Variants in CRTAC1 observed in about 807,000 individuals in gnomAD.
The protein encoded by CRTAC1 is acidic secreted protein in cartilage.
In CRTAC1, 37 loss-of-function variants were observed where a neutral mutation model predicts 67.8. The ratio of observed to expected loss-of-function variants is 0.55; its 90% CI spans 0.42 to 0.72. The LOEUF is 0.72. Among genes scored for constraint, CRTAC1 ranks in the 30% least tolerant of loss-of-function variants. CRTAC1 has a pLI of 0.00. For synonymous variants in CRTAC1, 348 were observed against 371.0 expected (o/e 0.94, Z 0.71); for missense variants, 780 against 931.6 (o/e 0.84, Z 2.12).
intron 4 of CRTAC1, among the ~76,000 whole-genome samples, chr10:97,919,309 C>T (rs1203956633): frequency 6.6e-6 from 1 of 151,924 alleles, no homozygotes; most frequent in African/African-American, 2.4e-5. Context: ...AGGAAGGGCA[C>T]CTAACTATGG....
intron 2 of CRTAC1, among the ~76,000 whole-genome samples, chr10:97,956,838 T>A (rs568787165): frequency 6.6e-6 from 1 of 151,866 alleles, no homozygotes; most frequent in African/African-American, 2.4e-5. Context: ...TCTGAAAGAC[T>A]GTACTCTAGC....
At chr10:97,978,194 G>A (rs2051837046) in intron 2 of CRTAC1, among the ~76,000 whole-genome samples, 1 of 152,172 alleles carries the variant, frequency 6.6e-6, no homozygotes, top group Non-Finnish European at 1.5e-5. Flanking sequence ...TCACCTGGGA[G>A]GTTGTCACCA....
At chr10:98,019,703 T>C (rs948508292) in intron 1 of CRTAC1, among the ~76,000 whole-genome samples, 10 of 152,184 alleles carry the variant, frequency 6.6e-5, no homozygotes, top group South Asian at 4.1e-4. Context: ...CACTCTGCCA[T>C]GTGTGGAGCT....
chr10:97,971,432 A>T lies in CRTAC1; in HGVS notation c.225-35066T>A, dbSNP rs184995928. 5.6e-3 allele frequency among the ~76,000 whole-genome samples: 856 copies of T among 152,364 alleles called. 9 individuals are homozygous for T. Among genetic ancestry groups the T allele is most frequent in the South Asian group, 0.051 (244 of 4,830 alleles). On this transcript the variant is annotated intron_variant, in intron 2 of 14. Transcript: ENST00000370597. Reference sequence around the variant, plus strand: ...AGGCAAACATTGTATGATTCCACTTATAAGAAGTAGGTAGAGTAGTCAAAT... The same window carrying T: ...AGGCAAACATTGTATGATTCCACTTTTAAGAAGTAGGTAGAGTAGTCAAAT...
chr10:97,989,924 C>T (rs1474761221), intron 2 of CRTAC1, among the ~76,000 whole-genome samples: 1 of 152,224 alleles, frequency 6.6e-6, no homozygotes, highest in African/African-American at 2.4e-5. Flanking sequence ...TCTCACTCTT[C>T]TGTTCTCTCA....
At chr10:97,892,584 C>T (rs2050393392) in intron 11 of CRTAC1, among the ~76,000 whole-genome samples, 1 of 152,202 alleles carries the variant, frequency 6.6e-6, no homozygotes, top group South Asian at 2.1e-4. Flanking sequence ...TGACCTCAGC[C>T]TCAGTTTTCT....
intron 2 of CRTAC1, among the ~76,000 whole-genome samples, chr10:97,973,583 C>T (rs912059340): frequency 3.3e-5 from 5 of 152,146 alleles, no homozygotes; most frequent in African/African-American, 4.8e-5. Flanking sequence ...AACTTTTCTC[C>T]TAGAGCCCCA....
chr10:98,025,517 T>A (rs1843213105), intron 1 of CRTAC1, among the ~76,000 whole-genome samples: 1 of 152,224 alleles, frequency 6.6e-6, no homozygotes, highest in African/African-American at 2.4e-5. Context: ...CTTTCACACC[T>A]TTCTGCACAC....
intron 2 of CRTAC1, among the ~76,000 whole-genome samples, chr10:97,995,297 T>A (rs1228409403): frequency 6.6e-6 from 1 of 151,974 alleles, no homozygotes; most frequent in African/African-American, 2.4e-5. Flanking sequence ...TCCCCCAACA[T>A]ACACACAAAC....
intron 3 of CRTAC1, among the ~76,000 whole-genome samples, chr10:97,930,166 G>T (rs761544619): frequency 2.0e-5 from 3 of 152,214 alleles, no homozygotes; most frequent in Non-Finnish European, 2.9e-5. Flanking sequence ...TTTGCCTAAG[G>T]TTGCACAGCT....
At chr10:97,896,257 T>A (rs1165911171) in intron 9 of CRTAC1, among the ~76,000 whole-genome samples, 1 of 152,220 alleles carries the variant, frequency 6.6e-6, no homozygotes, top group Non-Finnish European at 1.5e-5. Context: ...GTCTTCTTTC[T>A]GGTCTTTCTA....
intron 12 of CRTAC1, among the ~76,000 whole-genome samples, chr10:97,883,500 A>C (rs1382743187): frequency 6.6e-6 from 1 of 152,166 alleles, no homozygotes; most frequent in Non-Finnish European, 1.5e-5. Context: ...GTACTGATGA[A>C]TGAGGTGGGT....
At chr10:97,928,851 G>T (rs547472962) in intron 3 of CRTAC1, among the ~76,000 whole-genome samples, 48 of 152,302 alleles carry the variant, frequency 3.2e-4, no homozygotes, top group African/African-American at 1.2e-3. Context: ...GGCAGGGCAG[G>T]GGAGACCCAG....
rs145797553 is a variant in CRTAC1 at position 97,929,704 on chromosome 10, A to T, written c.422-6304T>A. 2.6e-5 allele frequency among the ~76,000 whole-genome samples: 4 copies of T among 152,346 alleles called. No homozygotes were observed. In the South Asian group the frequency reaches 8.3e-4, roughly 32 times the overall value. Reference sequence around the variant, plus strand: ...GTCAGGTTGTTGTGAGGGTTAAATTAGATAATGTATGTAAAGTGCTGAGAA... The same window carrying T: ...GTCAGGTTGTTGTGAGGGTTAAATTTGATAATGTATGTAAAGTGCTGAGAA... On this transcript the variant is annotated intron_variant, in intron 3 of 14. Transcript: ENST00000370597.
At chr10:98,007,872 A>G (rs890286982) in intron 2 of CRTAC1, among the ~76,000 whole-genome samples, 14 of 152,188 alleles carry the variant, frequency 9.2e-5, no homozygotes, top group African/African-American at 3.1e-4. Context: ...TTGAAAGAGA[A>G]AGAGAAAAAG....
intron 3 of CRTAC1, among the ~76,000 whole-genome samples, chr10:97,925,726 GGTGA>G (rs2050905441): frequency 6.7e-6 from 1 of 149,330 alleles, no homozygotes; most frequent in Non-Finnish European, 1.5e-5. Context: ...GTGAGGGGAG[GGTGA>G]GTGAGAATGA....
intron 8 of CRTAC1, among the ~76,000 whole-genome samples, chr10:97,901,039 T>C (rs1426703380): frequency 7.3e-6 from 1 of 137,248 alleles, no homozygotes; most frequent in Non-Finnish European, 1.6e-5. Flanking sequence ...CTTTTCCTGG[T>C]AGTGATTGGA....
At position 98,020,588 on chromosome 10, in the gene CRTAC1, G is replaced by C. The variant is rs1230250731; in HGVS notation, c.25-9251C>G. Among the ~76,000 whole-genome samples, 4 of 152,240 alleles carry C rather than the reference G, an allele frequency of 2.6e-5. No individual in the cohort carries two copies. In the East Asian group the frequency reaches 7.7e-4, roughly 29 times the overall value. On this transcript the variant is annotated intron_variant, in intron 1 of 14. Coordinates refer to ENST00000370597, the MANE Select transcript of CRTAC1 (RefSeq NM_018058.7). The stretch of plus-strand genomic sequence containing the variant: ...TCAAATTTGTCTTAACCATGAGATG[G>C]GAGCACAGTGAAAGGAGCAACCACC...
intron 5 of CRTAC1, 133 bp downstream of exon 5, chr10:97,917,367 T>C (rs1301770440): frequency 3.3e-6 from 2 of 603,536 alleles, no homozygotes; most frequent in African/African-American, 3.8e-5. Context: ...GAATGGAGCC[T>C]TCATCTCCCC....
Sources: gnomAD v4.1 joint callset for allele counts (sites outside exome capture counted in the v4.1 genomes callset) on GRCh38, gnomAD v4.1.1 for gene constraint, MANE v1.5 for transcripts, NCBI Gene and HGNC (gene_info 2026-07-23, HGNC 2026-07-21) for gene names.